The following TACR1 variants were observed in gnomAD, a reference collection of about 807,000 sequenced individuals.
TACR1 encodes substance-P receptor.
A neutral mutation model predicts 35.8 loss-of-function variants in TACR1; 25 were observed. The ratio of observed to expected loss-of-function variants is 0.70; its 90% CI spans 0.51 to 0.98. The LOEUF (loss-of-function observed/expected upper bound fraction) is 0.98. Among genes scored for constraint, TACR1 ranks in the 50% least tolerant of loss-of-function variants. The probability of loss-of-function intolerance (pLI) is 0.00; values close to 1 mark genes in which losing one functional copy is unlikely to be tolerated. For missense variants in TACR1, 478 were observed against 522.9 expected (o/e 0.91, Z 0.84); for synonymous variants, 195 against 206.7 (o/e 0.94, Z 0.48).
chr2:75,048,700 G>T lies in TACR1; in HGVS notation c.*732C>A, dbSNP rs1672405248. 1 of 152,002 alleles carries T rather than the reference G, an allele frequency of 6.6e-6. No individual in the cohort carries two copies. 9.4% of individuals were successfully genotyped at this position (152,002 alleles called of 1,614,324 possible). ...CCCTTGTTTACAAGTAGGAAAAGAGGGTCAACTACACATTAAATGTAGTGC... is the reference window on the plus strand; with the variant it reads ...CCCTTGTTTACAAGTAGGAAAAGAGTGTCAACTACACATTAAATGTAGTGC... On this transcript the variant is annotated 3_prime_UTR_variant, in exon 5 of 5. Coordinates refer to ENST00000305249, the MANE Select transcript of TACR1 (RefSeq NM_001058.4).
intron 2 of TACR1, among the ~76,000 whole-genome samples, chr2:75,057,463 C>T (rs1231140281): frequency 1.3e-5 from 2 of 152,192 alleles, no homozygotes; most frequent in African/African-American, 4.8e-5. Context: ...GTTGGGTGGT[C>T]TCTTCACATG....
intron 1 of TACR1, among the ~76,000 whole-genome samples, chr2:75,186,241 T>A (rs1179673637): frequency 6.6e-6 from 1 of 151,558 alleles, no homozygotes; most frequent in Non-Finnish European, 1.5e-5. Flanking sequence ...GTTTGGTGGC[T>A]CGCGCCTGTA....
At chr2:75,187,617 A>G (rs1330873985) in intron 1 of TACR1, 2 of 152,144 alleles carry the variant, frequency 1.3e-5, no homozygotes, top group Admixed American at 1.3e-4. Context: ...AGACGTCCAT[A>G]TTGTTTGTAC....
chr2:75,122,295 C>T (rs2075285), intron 1 of TACR1, among the ~76,000 whole-genome samples: 24,554 of 152,078 alleles, frequency 0.16, 2,634 homozygotes, highest in East Asian at 0.46. Flanking sequence ...CCTGCCCCAA[C>T]GGGAGGAAGT....
At chr2:75,103,270 G>C (rs1415192188) in intron 2 of TACR1, among the ~76,000 whole-genome samples, 2 of 152,072 alleles carry the variant, frequency 1.3e-5, no homozygotes, top group African/African-American at 4.8e-5. Flanking sequence ...AAATATACAA[G>C]ATGAGCCTGG....
chr2:75,085,457 C>T (rs545210078), intron 2 of TACR1, among the ~76,000 whole-genome samples: 11 of 152,268 alleles, frequency 7.2e-5, no homozygotes, highest in South Asian at 4.2e-4. Flanking sequence ...TTGGTCCTAG[C>T]GCAATCGCAC....
intron 1 of TACR1, among the ~76,000 whole-genome samples, chr2:75,132,816 T>C (rs1337812722): frequency 6.6e-6 from 1 of 152,226 alleles, no homozygotes; most frequent in Non-Finnish European, 1.5e-5. Flanking sequence ...AGGTTTGTTT[T>C]AGACCAACCA....
chr2:75,171,744 A>G (rs1368235855), intron 1 of TACR1, among the ~76,000 whole-genome samples: 3 of 152,194 alleles, frequency 2.0e-5, no homozygotes, highest in African/African-American at 2.4e-5. Flanking sequence ...TTGGACTTGC[A>G]TGGGGCCTGT....
chr2:75,084,501 G>A (rs1666228055), intron 2 of TACR1, among the ~76,000 whole-genome samples: 1 of 152,218 alleles, frequency 6.6e-6, no homozygotes. Context: ...CAGAAGGAAT[G>A]GTACCAGCTC....
At chr2:75,130,335 C>G (rs1312023292) in intron 1 of TACR1, among the ~76,000 whole-genome samples, 4 of 152,194 alleles carry the variant, frequency 2.6e-5, no homozygotes, top group Non-Finnish European at 5.9e-5. Context: ...ACCTGATGTA[C>G]CAGTCTGTTG....
chr2:75,060,187 T>A (rs956915550), intron 2 of TACR1, among the ~76,000 whole-genome samples: 1 of 152,110 alleles, frequency 6.6e-6, no homozygotes, highest in Non-Finnish European at 1.5e-5. Flanking sequence ...TGCCAAAGAG[T>A]GTGCCATGGG....
intron 1 of TACR1, among the ~76,000 whole-genome samples, chr2:75,152,597 A>C (rs940673136): frequency 5.3e-5 from 8 of 152,324 alleles, no homozygotes; most frequent in African/African-American, 1.9e-4. Flanking sequence ...GGACTAATAC[A>C]TGCTCCGAGG....
chr2:75,172,164 C>T (rs966641673), intron 1 of TACR1, among the ~76,000 whole-genome samples: 1 of 152,162 alleles, frequency 6.6e-6, no homozygotes, highest in African/African-American at 2.4e-5. Flanking sequence ...TAGAATCTTT[C>T]TTACAAACCC....
At chr2:75,148,255 A>C (rs572542251) in intron 1 of TACR1, among the ~76,000 whole-genome samples, 1 of 152,314 alleles carries the variant, frequency 6.6e-6, no homozygotes, top group African/African-American at 2.4e-5. Context: ...TTGCTGGGTC[A>C]AATGGTTTTT....
At chr2:75,167,978 T>G (rs182693049) in intron 1 of TACR1, among the ~76,000 whole-genome samples, 1 of 152,290 alleles carries the variant, frequency 6.6e-6, no homozygotes, top group East Asian at 1.9e-4. Flanking sequence ...GGCATTTTCA[T>G]ACACCACTGG....
At chr2:75,070,092 A>G (rs1439537979) in intron 2 of TACR1, among the ~76,000 whole-genome samples, 1 of 152,110 alleles carries the variant, frequency 6.6e-6, no homozygotes, top group Non-Finnish European at 1.5e-5. Context: ...TTATATCAGT[A>G]TGGACTCATG....
chr2:75,165,524 G>A (rs150730145), intron 1 of TACR1, among the ~76,000 whole-genome samples: 7,184 of 151,980 alleles, frequency 0.047, 242 homozygotes, highest in Non-Finnish European at 0.073. Flanking sequence ...TAGGCAGGAT[G>A]GTCTCAATCT....
intron 2 of TACR1, among the ~76,000 whole-genome samples, chr2:75,106,800 A>C (rs1435898981): frequency 2.6e-5 from 4 of 151,910 alleles, no homozygotes; most frequent in Non-Finnish European, 5.9e-5. Context: ...GAAATTACCA[A>C]AGATAATAGT....
chr2:75,169,571 G>A (rs1675227321), intron 1 of TACR1, among the ~76,000 whole-genome samples: 1 of 152,036 alleles, frequency 6.6e-6, no homozygotes, highest in African/African-American at 2.4e-5. Flanking sequence ...TATTTTTCTT[G>A]CTAGGATAGA....
Sources: allele counts gnomAD v4.1 joint callset (sites outside exome capture counted in the v4.1 genomes callset), GRCh38; gene constraint gnomAD v4.1.1; transcripts MANE v1.5; gene names NCBI Gene and HGNC (gene_info 2026-07-23, HGNC 2026-07-21).